Variants in ZNF135 observed in about 807,000 individuals in gnomAD.
The protein encoded by ZNF135 is zinc finger protein 135.
In ZNF135, 11 loss-of-function variants were observed where a neutral mutation model predicts 12.3. The ratio of observed to expected loss-of-function variants is 0.89; its 90% CI spans 0.56 to 1.48. The LOEUF is 1.48. Ranked by LOEUF, ZNF135 falls within the 40% of genes most tolerant of loss-of-function variation. ZNF135 has a pLI of 0.00. For missense variants in ZNF135, 722 were observed against 815.7 expected, an observed-to-expected ratio of 0.89 and a Z score of 1.40; for synonymous variants, 316 against 312.0, an observed-to-expected ratio of 1.01 and a Z score of -0.14.
Position 58,059,616 on chromosome 19 carries a change from G to T in ZNF135, c.-35+306G>T, listed in dbSNP as rs1444647355. 3.9e-6 allele frequency: 2 copies of T among 514,452 alleles called. No individual in the cohort carries two copies. Among genetic ancestry groups the T allele is most frequent in the African/African-American group, 2.0e-5 (1 of 49,484 alleles). The allele number at this position is 514,452 out of a possible 1,614,324, so 31.9% of individuals were successfully genotyped here. A position where few individuals can be genotyped will look rare whatever the true frequency, so the allele number is the denominator to read the frequency against. The stretch of plus-strand genomic sequence containing the variant: ...CCTGGCCCCACCTCTGCCCCACACC[G>T]GGCACTGGGCCGCCACCTTTGTTGA... On this transcript the variant is annotated intron_variant, in intron 1 of 4. Transcript: ENST00000313434. This position sits in a 1 kb window ranked among gnomAD's most constrained non-coding sequence, Gnocchi z 6.5.
chr19:58,061,429 G>T (rs2073977789), intron 2 of ZNF135, 151 bp from the exon 3 acceptor site: 1 of 839,548 alleles, frequency 1.2e-6, no homozygotes, highest in African/African-American at 1.7e-5. Flanking sequence ...CATCAGCAGG[G>T]CACCCATCCA....
chr19:58,063,549 G>C lies in ZNF135; in HGVS notation c.256+8G>C. The C allele has an allele frequency of 6.2e-7, 1 of 1,614,002 alleles. No homozygotes were observed. ...CCCAAGGCGTGTACCCAGGTGAGAT[G>C]GGAGCCCTTCGGGGCAGAGAGAAGC... On this transcript the variant is annotated splice_region_variant and intron_variant, in intron 4 of 4. Transcript: ENST00000313434. This position sits in a 1 kb window ranked among gnomAD's most constrained non-coding sequence, Gnocchi z 4.4.
Position 58,063,346 on chromosome 19 carries a change from C to G in ZNF135, c.161-100C>G, listed in dbSNP as rs2074012781. ...GACAGCTGAAGTCACTCAGGGGTCC[C>G]CAGCCATCTGGGACCTGGAAGACCA... On this transcript the variant is annotated intron_variant, in intron 3 of 4. Transcript: ENST00000313434. The surrounding 1 kb of genome is among the most constrained non-coding windows in gnomAD (Gnocchi z 4.4). The G allele has an allele frequency of 1.3e-6, 2 of 1,550,930 alleles. No individual in the cohort carries two copies. Among genetic ancestry groups the G allele is most frequent in the Non-Finnish European group, 1.7e-6 (2 of 1,145,456 alleles).
At chr19:58,061,534 C>T in intron 2 of ZNF135, 46 bp from the exon 3 acceptor site, 1 of 1,582,470 alleles carries the variant, frequency 6.3e-7, no homozygotes, top group South Asian at 1.1e-5. Context: ...CACCAGCAGC[C>T]AGTGCCAGGG....
chr19:58,059,806 C>G lies in ZNF135; in HGVS notation c.-34-163C>G. ...GGCGGGAAAACCCTAGGCTGCCCTT[C>G]TCCGAGCGGAGGGCCGCCCCACACA... is the stretch of plus-strand genomic sequence containing the variant. On this transcript the variant is annotated intron_variant, in intron 1 of 4. Coordinates refer to ENST00000313434, the MANE Select transcript of ZNF135 (RefSeq NM_001289401.2). This position sits in a 1 kb window ranked among gnomAD's most constrained non-coding sequence, Gnocchi z 6.5. The G allele has an allele frequency of 2.4e-6, 2 of 830,384 alleles. No homozygotes were observed. Among genetic ancestry groups the G allele is most frequent in the Non-Finnish European group, 3.6e-6 (2 of 549,586 alleles). The allele number at this position is 830,384 out of a possible 1,614,324, so 51.4% of individuals were successfully genotyped here.
Position 58,065,127 on chromosome 19 carries a change from TAAAG to T in ZNF135, c.256+1588_256+1591del, listed in dbSNP as rs1388643987. On this transcript the variant is annotated intron_variant, in intron 4 of 4. Transcript: ENST00000313434. The surrounding 1 kb of genome is among the most constrained non-coding windows in gnomAD (Gnocchi z 4.0). ...CACAATGGGTCTAGCTGGAATATAA[TAAAG>T]ATGTCAGCAGGGCATCATTCCTTCT... Among the ~76,000 whole-genome samples the T allele has an allele frequency of 6.6e-6, 1 of 152,174 alleles. No individual in the cohort carries two copies. Among genetic ancestry groups the T allele is most frequent in the African/African-American group, 2.4e-5 (1 of 41,456 alleles).
In ZNF135 at chr19:58,064,729, C is replaced by CA. The variant is rs56376424; in HGVS notation, c.256+1200dup. 2.7e-3 allele frequency among the ~76,000 whole-genome samples: 380 copies of CA among 141,110 alleles called. 1 individual carries two copies. The highest frequency in any genetic ancestry group is 0.019 in the East Asian group (91 of 4,846). The allele number at this position is 141,110 out of a possible 152,430, so 92.6% of individuals were successfully genotyped here. On this transcript the variant is annotated intron_variant, in intron 4 of 4. Transcript: ENST00000313434. ...ACCCCGTCTCTACAAAAAAAAAATACAAAAAAAAAAAATTAGCTGGCCATG... is the reference window on the plus strand; with the variant it reads ...ACCCCGTCTCTACAAAAAAAAAATACAAAAAAAAAAAAATTAGCTGGCCATG...
In ZNF135 at chr19:58,068,272, C is replaced by T. The variant is rs2228276; in HGVS notation, c.1788C>T (p.His596=). Residue 596 remains histidine, a synonymous_variant, in exon 5 of 5, where the codon CAC becomes CAT. Transcript: ENST00000313434. ...GCCACAGCTCCTCGCTCAGCCAGCA[C>T]GAAAGGACGCACACTGGGGAAAAGC... ...SFSHSSSLSQ[H]ERTHTGEKPY... is the part of the protein sequence containing the mutation. 2.3e-3 allele frequency: 3,790 copies of T among 1,613,644 alleles called. 46 individuals carry two copies. In the African/African-American group the frequency reaches 0.036, roughly 15 times the overall value.
rs1384252024 is a variant in ZNF135 at position 58,063,905 on chromosome 19, A to G, written c.256+364A>G. The stretch of plus-strand genomic sequence containing the variant: ...GGGATAGCCTCTCCAAGGAGGTGAC[A>G]TGTGACTTGAAGCCTGAGCCATGAG... On this transcript the variant is annotated intron_variant, in intron 4 of 4. Transcript: ENST00000313434. This position sits in a 1 kb window ranked among gnomAD's most constrained non-coding sequence, Gnocchi z 4.4. Among the ~76,000 whole-genome samples, 1 of 152,202 alleles carries G rather than the reference A, an allele frequency of 6.6e-6. No individual in the cohort carries two copies. Among genetic ancestry groups the G allele is most frequent in the African/African-American group, 2.4e-5 (1 of 41,444 alleles).
intron 4 of ZNF135, among the ~76,000 whole-genome samples, chr19:58,064,417 C>A (rs1299683696): frequency 6.6e-6 from 1 of 152,224 alleles, no homozygotes; most frequent in Non-Finnish European, 1.5e-5. Flanking sequence ...CCAACCCCTC[C>A]TCCTACTCCT....
At chr19:58,066,699 G>A in intron 4 of ZNF135, 42 bp from the exon 5 acceptor site, 1 of 1,603,638 alleles carries the variant, frequency 6.2e-7, no homozygotes, top group Non-Finnish European at 8.5e-7. Flanking sequence ...TTTTGCCGTG[G>A]AACAGAGATT....
At position 58,063,597 on chromosome 19, in the gene ZNF135, T is replaced by G. The variant is rs1568613386; in HGVS notation, c.256+56T>G. On this transcript the variant is annotated intron_variant, in intron 4 of 4. Transcript: ENST00000313434. This position sits in a 1 kb window ranked among gnomAD's most constrained non-coding sequence, Gnocchi z 4.4. ...AGCCTGTCCATGCTTGCTTCCTGGT[T>G]TCTCCCTCTGCATCTGCTCTCTAAT... The G allele has an allele frequency of 6.2e-7, 1 of 1,609,086 alleles. No homozygotes were observed. The highest frequency in any genetic ancestry group is 8.5e-7 in the Non-Finnish European group (1 of 1,177,244).
In ZNF135 at chr19:58,059,584, C is replaced by T. The variant is rs2073931923; in HGVS notation, c.-35+274C>T. 3.8e-6 allele frequency: 2 copies of T among 519,490 alleles called. No individual in the cohort carries two copies. The highest frequency in any genetic ancestry group is 3.5e-5 in the East Asian group (1 of 28,676). 32.2% of individuals were successfully genotyped at this position (519,490 alleles called of 1,614,324 possible). On this transcript the variant is annotated intron_variant, in intron 1 of 4. Transcript: ENST00000313434. The surrounding 1 kb of genome is among the most constrained non-coding windows in gnomAD (Gnocchi z 6.5). ...CCGACGGCCCCTGAGGGAACGCGCGCCCCGCCCCTGGCCCCACCTCTGCCC... is the reference window on the plus strand; with the variant it reads ...CCGACGGCCCCTGAGGGAACGCGCGTCCCGCCCCTGGCCCCACCTCTGCCC...
In ZNF135 at chr19:58,068,241, C is replaced by A. The variant is rs373984435; in HGVS notation, c.1757C>A (p.Ser586Tyr). 6.2e-7 allele frequency: 1 copy of A among 1,614,094 alleles called. No individual in the cohort carries two copies. The highest frequency in any genetic ancestry group is 2.2e-5 in the East Asian group (1 of 44,864). ...KPYGCNECGKSFSHSSSLSQH... is the reference protein window; with the variant it reads ...KPYGCNECGKYFSHSSSLSQH... ...TATGGGTGCAATGAGTGTGGGAAAT[C>A]CTTCAGCCACAGCTCCTCGCTCAGC... Residue 586 changes from serine (S) to tyrosine (Y), a missense_variant, in exon 5 of 5, where the codon TCC (serine) becomes TAC (tyrosine). Transcript: ENST00000313434.
Position 58,066,903 on chromosome 19 carries a change from TAG to T in ZNF135, c.424_425del (p.Ser142ProfsTer32), listed in dbSNP as rs1481099924. 1 of 1,614,084 alleles carries T rather than the reference TAG, an allele frequency of 6.2e-7. No homozygotes were observed. Among genetic ancestry groups the T allele is most frequent in the East Asian group, 2.2e-5 (1 of 44,892 alleles). On this transcript the variant is annotated frameshift_variant, in exon 5 of 5. Transcript: ENST00000313434. LOFTEE classifies it low-confidence loss of function (END_TRUNC). ...CACTGGGAATGGAGTTGTGAGAGTC[TAG>T]AGAGCCTGGCAGTGCCGGTGGCCTT...
rs771954412 is a variant in ZNF135, at chr19:58,066,820, G to A, written c.336G>A (p.Leu112=). 6.2e-7 allele frequency: 1 copy of A among 1,614,200 alleles called. No homozygotes were observed. Among genetic ancestry groups the A allele is most frequent in the Non-Finnish European group, 8.5e-7 (1 of 1,180,042 alleles). Residue 112 remains leucine (L), a synonymous_variant, in exon 5 of 5, where the codon TTG becomes TTA. Coordinates refer to ENST00000313434, the MANE Select transcript of ZNF135 (RefSeq NM_001289401.2). ...ISEEISNSVI[L]VERFLWDGLW... ...AAGAAATATCCAACAGTGTCATCTTGGTAGAAAGATTCCTGTGGGATGGTC... is the reference window on the plus strand; with the variant it reads ...AAGAAATATCCAACAGTGTCATCTTAGTAGAAAGATTCCTGTGGGATGGTC...
Position 58,067,128 on chromosome 19 carries a change from A to G in ZNF135, c.644A>G (p.Lys215Arg). 6.2e-7 allele frequency: 1 copy of G among 1,614,218 alleles called. No homozygotes were observed. Among genetic ancestry groups the G allele is most frequent in the Non-Finnish European group, 8.5e-7 (1 of 1,180,036 alleles). Residue 215 changes from lysine (K) to arginine (R), a missense_variant, in exon 5 of 5, where the codon AAA becomes AGA. Physicochemically the swap from Lys to Arg is conservative, Grantham distance 26. Transcript: ENST00000313434. ...QKTCVKEKPY[K>R]CQECGKAFSH... ...ACCTGTGTAAAAGAGAAACCCTACA[A>G]ATGTCAGGAATGCGGAAAGGCCTTT...
intron 4 of ZNF135, among the ~76,000 whole-genome samples, chr19:58,064,856 C>T (rs911886674): frequency 6.6e-6 from 1 of 152,162 alleles, no homozygotes; most frequent in Non-Finnish European, 1.5e-5. Flanking sequence ...CGCCACTGTG[C>T]TCCTGCCTGG....
chr19:58,067,928 A>G lies in ZNF135; in HGVS notation c.1444A>G (p.Thr482Ala). Residue 482 changes from threonine (T) to alanine (A), a missense_variant, in exon 5 of 5, where the codon ACC becomes GCC. Thr to Ala is a moderately conservative substitution (Grantham distance 58, BLOSUM62 0). Coordinates refer to ENST00000313434, the MANE Select transcript of ZNF135 (RefSeq NM_001289401.2). ...GKAFRQSTHL[T>A]QHQRIHTGEK... Reference sequence around the variant, plus strand: ...GGCCTTCCGGCAGAGCACACACCTCACCCAACACCAGCGAATCCACACAGG... The same window carrying G: ...GGCCTTCCGGCAGAGCACACACCTCGCCCAACACCAGCGAATCCACACAGG... 1 of 1,613,364 alleles carries G rather than the reference A, an allele frequency of 6.2e-7. No individual in the cohort carries two copies. Among genetic ancestry groups the G allele is most frequent in the Non-Finnish European group, 8.5e-7 (1 of 1,179,846 alleles).
Sources: allele counts gnomAD v4.1 joint callset (sites outside exome capture counted in the v4.1 genomes callset), GRCh38; gene constraint gnomAD v4.1.1; non-coding constraint Gnocchi (gnomAD v3.1); transcripts MANE v1.5; gene names NCBI Gene and HGNC (gene_info 2026-07-23, HGNC 2026-07-21).